Variants in SLC22A23 observed in about 807,000 individuals in gnomAD.
SLC22A23 encodes solute carrier family 22 member 23.
Under a neutral mutation model 61.0 loss-of-function variants are expected in SLC22A23, and 26 were observed. That is an observed-to-expected ratio of 0.43 (90% confidence interval 0.31 to 0.59). The LOEUF is 0.59. Ranked by LOEUF, SLC22A23 falls within the 20% of genes least tolerant of loss-of-function variation. The pLI is 0.11. For synonymous variants in SLC22A23, 430 were observed against 413.9 expected, an observed-to-expected ratio of 1.04 and a Z score of -0.47; for missense variants, 796 against 934.7, an observed-to-expected ratio of 0.85 and a Z score of 1.94.
At chr6:3,450,359 T>A (rs7772249) in intron 1 of SLC22A23, among the ~76,000 whole-genome samples, 2,512 of 152,196 alleles carry the variant, frequency 0.017, 67 homozygotes, top group African/African-American at 0.058. Context: ...CAGGCTGGAG[T>A]GCAGTGGAGT....
chr6:3,433,545 A>G (rs1048874583), intron 1 of SLC22A23, among the ~76,000 whole-genome samples: 44 of 152,222 alleles, frequency 2.9e-4, no homozygotes, highest in African/African-American at 1.0e-3. Flanking sequence ...CTGCCAATCA[A>G]CTTTTAAATA....
chr6:3,436,562 T>C (rs1249824713), intron 1 of SLC22A23, among the ~76,000 whole-genome samples: 2 of 152,176 alleles, frequency 1.3e-5, no homozygotes, highest in Non-Finnish European at 2.9e-5. Flanking sequence ...CTGAAATAAG[T>C]GTCTTCTCCC....
At chr6:3,290,173 G>A (rs900641149) in intron 5 of SLC22A23, 6 of 437,854 alleles carry the variant, frequency 1.4e-5, no homozygotes, top group South Asian at 2.2e-5. Flanking sequence ...AAACGGTCTC[G>A]ACTCAGTTCA....
chr6:3,279,547 C>G (rs1305653947), intron 9 of SLC22A23, among the ~76,000 whole-genome samples: 1 of 66,286 alleles, frequency 1.5e-5, no homozygotes, highest in Non-Finnish European at 4.4e-5. Flanking sequence ...TCCTTGACAT[C>G]ATTCAGTACG....
At chr6:3,383,282 C>G (rs1264326303) in intron 3 of SLC22A23, among the ~76,000 whole-genome samples, 1 of 151,668 alleles carries the variant, frequency 6.6e-6, no homozygotes, top group Non-Finnish European at 1.5e-5. Flanking sequence ...TGCATACTAA[C>G]AGATGAGGTA....
At chr6:3,367,462 C>T (rs950294640) in intron 3 of SLC22A23, among the ~76,000 whole-genome samples, 1 of 152,206 alleles carries the variant, frequency 6.6e-6, no homozygotes, top group Admixed American at 6.5e-5. Context: ...CTCCCATTGC[C>T]TTAGGAACAG....
At chr6:3,368,323 A>G (rs906265501) in intron 3 of SLC22A23, among the ~76,000 whole-genome samples, 1 of 152,188 alleles carries the variant, frequency 6.6e-6, no homozygotes, top group Non-Finnish European at 1.5e-5. Flanking sequence ...CTCCTTGGCC[A>G]TGTAATTTTC....
chr6:3,437,184 G>A (rs1411331666), intron 1 of SLC22A23, among the ~76,000 whole-genome samples: 1 of 151,738 alleles, frequency 6.6e-6, no homozygotes, highest in Non-Finnish European at 1.5e-5. Flanking sequence ...GAAGGCAAAC[G>A]AGAAATGAAT....
intron 3 of SLC22A23, among the ~76,000 whole-genome samples, chr6:3,407,189 C>A (rs181891465): frequency 3.3e-5 from 5 of 152,302 alleles, no homozygotes; most frequent in African/African-American, 4.8e-5. Context: ...TTAAACTTCC[C>A]TTTAGAGTTA....
chr6:3,407,085 T>G (rs769113708), intron 3 of SLC22A23, among the ~76,000 whole-genome samples: 1 of 152,202 alleles, frequency 6.6e-6, no homozygotes, highest in Admixed American at 6.5e-5. Flanking sequence ...TTCCAGCAGA[T>G]GCATTAAGTG....
At chr6:3,440,525 G>C (rs1196286826) in intron 1 of SLC22A23, among the ~76,000 whole-genome samples, 2 of 151,920 alleles carry the variant, frequency 1.3e-5, no homozygotes, top group Non-Finnish European at 2.9e-5. Flanking sequence ...GGCCAAGATG[G>C]TGAAACCCCA....
intron 3 of SLC22A23, among the ~76,000 whole-genome samples, chr6:3,339,656 G>T (rs1764045789): frequency 6.6e-6 from 1 of 152,166 alleles, no homozygotes; most frequent in Non-Finnish European, 1.5e-5. Context: ...GTGACCTCTG[G>T]TCGTCCTCAC....
rs34226880 is a variant in SLC22A23 at position 3,322,859 on chromosome 6, T to C, written c.1082+975A>G. Reference sequence around the variant, plus strand: ...AATTTGGTTTTCATTGTTGACTAAATAGTAGCAATACAGGGCCACATCCAT... The same window carrying C: ...AATTTGGTTTTCATTGTTGACTAAACAGTAGCAATACAGGGCCACATCCAT... On this transcript the variant is annotated intron_variant, in intron 4 of 9. Coordinates refer to ENST00000406686, the MANE Select transcript of SLC22A23 (RefSeq NM_015482.2). This position sits in a 1 kb window ranked among gnomAD's most constrained non-coding sequence, Gnocchi z 4.1. Among the ~76,000 whole-genome samples, 986 of 152,124 alleles carry C rather than the reference T, an allele frequency of 6.5e-3. 9 individuals carry two copies. Among genetic ancestry groups the C allele is most frequent in the African/African-American group, 0.021 (857 of 41,500 alleles).
At chr6:3,437,305 G>A (rs1375583717) in intron 1 of SLC22A23, among the ~76,000 whole-genome samples, 3 of 152,040 alleles carry the variant, frequency 2.0e-5, no homozygotes, top group Non-Finnish European at 4.4e-5. Context: ...TTCCCTCATA[G>A]TCTTGACAAT....
intron 3 of SLC22A23, among the ~76,000 whole-genome samples, chr6:3,334,208 C>CTGGA: frequency 6.6e-6 from 1 of 152,220 alleles, no homozygotes; most frequent in Non-Finnish European, 1.5e-5. Context: ...GTTGTCCAGG[C>CTGGA]TGGAGTGCAA....
chr6:3,368,680 AC>A, intron 3 of SLC22A23, among the ~76,000 whole-genome samples: 1 of 152,206 alleles, frequency 6.6e-6, no homozygotes, highest in Non-Finnish European at 1.5e-5. Context: ...ACACACACAC[AC>A]AAATCCAATA....
intron 9 of SLC22A23, among the ~76,000 whole-genome samples, chr6:3,277,453 C>T (rs998591969): frequency 3.9e-5 from 6 of 152,132 alleles, no homozygotes; most frequent in Admixed American, 6.5e-5. Context: ...TTGCCAAACA[C>T]GCATCGCCTC....
intron 3 of SLC22A23, among the ~76,000 whole-genome samples, chr6:3,343,765 A>G (rs189568136): frequency 2.6e-5 from 4 of 152,332 alleles, no homozygotes; most frequent in Non-Finnish European, 5.9e-5. Flanking sequence ...TTAAGAGAAG[A>G]GCCAATCACT....
chr6:3,374,719 G>C (rs1417179555), intron 3 of SLC22A23, among the ~76,000 whole-genome samples: 1 of 152,220 alleles, frequency 6.6e-6, no homozygotes, highest in Non-Finnish European at 1.5e-5. Context: ...CTGAAGCAGA[G>C]CAAGGAGCTG....
Sources: gnomAD v4.1 joint callset for allele counts (sites outside exome capture counted in the v4.1 genomes callset) on GRCh38, gnomAD v4.1.1 for gene constraint, Gnocchi (gnomAD v3.1) non-coding constraint, MANE v1.5 for transcripts, NCBI Gene and HGNC (gene_info 2026-07-23, HGNC 2026-07-21) for gene names.